The following CUTC variants were observed in gnomAD, a reference collection of about 807,000 sequenced individuals.
The protein encoded by CUTC is copper homeostasis protein cutC homolog.
A neutral mutation model predicts 36.2 loss-of-function variants in CUTC; 27 were observed. The ratio of observed to expected loss-of-function variants is 0.75; its 90% CI spans 0.55 to 1.03. CUTC has a LOEUF of 1.03. CUTC is among the 50% of genes least tolerant of loss of function. The pLI is 0.00. For missense variants in CUTC, 315 were observed against 343.5 expected (o/e 0.92, Z 0.66); for synonymous variants, 114 against 118.3 (o/e 0.96, Z 0.24).
At chr10:99,737,122 T>C (rs911277614) in intron 2 of CUTC, among the ~76,000 whole-genome samples, 17 of 152,028 alleles carry the variant, frequency 1.1e-4, no homozygotes, top group African/African-American at 3.9e-4. Flanking sequence ...ATAGAAAAAT[T>C]AGCCAAGCGT....
intron 1 of CUTC, among the ~76,000 whole-genome samples, chr10:99,732,902 C>T (rs2037233087): frequency 6.6e-6 from 1 of 152,170 alleles, no homozygotes; most frequent in Non-Finnish European, 1.5e-5. Flanking sequence ...TTCCTGAGTG[C>T]CAGGGTAGCA....
chr10:99,739,839 T>C (rs891321189), intron 3 of CUTC, 70 bp downstream of exon 3: 6 of 1,238,404 alleles, frequency 4.8e-6, no homozygotes, highest in Non-Finnish European at 7.0e-6. Context: ...ATAATCAGTT[T>C]CGTTGGGGTC....
At chr10:99,742,707 TAA>T (rs75714060) in intron 3 of CUTC, among the ~76,000 whole-genome samples, 24 of 134,350 alleles carry the variant, frequency 1.8e-4, no homozygotes, top group Non-Finnish European at 2.1e-4. Context: ...GTATCTTGTT[TAA>T]AAAAAAAAAA....
At chr10:99,746,710 G>A (rs746135522) in intron 5 of CUTC, among the ~76,000 whole-genome samples, 4 of 151,920 alleles carry the variant, frequency 2.6e-5, no homozygotes, top group Admixed American at 1.3e-4. Context: ...CTGATTTGTA[G>A]CATTTTTAAA....
At chr10:99,739,177 C>T (rs948605152) in intron 2 of CUTC, among the ~76,000 whole-genome samples, 4 of 152,034 alleles carry the variant, frequency 2.6e-5, no homozygotes, top group Non-Finnish European at 4.4e-5. Context: ...ACAAAATGTT[C>T]TATCTTTGGC....
intron 7 of CUTC, among the ~76,000 whole-genome samples, chr10:99,753,443 T>C (rs115351746): frequency 0.033 from 5,084 of 152,322 alleles, 277 homozygotes; most frequent in African/African-American, 0.12. Context: ...AGGGTCTCAC[T>C]GTGTCGCCCA....
chr10:99,738,159 A>AT (rs2037312131), intron 2 of CUTC, among the ~76,000 whole-genome samples: 3 of 152,030 alleles, frequency 2.0e-5, no homozygotes. Context: ...AAAAAAAAAA[A>AT]TAAGGACTCT....
chr10:99,732,454 C>G (rs1402066677), intron 1 of CUTC, 45 bp downstream of exon 1: 12 of 1,547,188 alleles, frequency 7.8e-6, no homozygotes, highest in Non-Finnish European at 8.7e-6. Context: ...GAAGGCTCCC[C>G]GGGGCGGGCC....
At chr10:99,733,620 T>TGA (rs1331961536) in intron 1 of CUTC, among the ~76,000 whole-genome samples, 2 of 151,998 alleles carry the variant, frequency 1.3e-5, no homozygotes, top group African/African-American at 4.8e-5. Context: ...GGTGACAGAG[T>TGA]GAGACTCTGC....
chr10:99,754,709 G>C, intron 8 of CUTC, 75 bp downstream of exon 8: 1 of 1,012,112 alleles, frequency 9.9e-7, no homozygotes. Context: ...AAAAACTTTG[G>C]ATGGGGGCAT....
At chr10:99,736,700 A>T (rs1383916563) in intron 2 of CUTC, among the ~76,000 whole-genome samples, 1 of 152,134 alleles carries the variant, frequency 6.6e-6, no homozygotes, top group Admixed American at 6.6e-5. Flanking sequence ...ACCTGTTTTA[A>T]TGGGAAGCAC....
intron 3 of CUTC, 114 bp downstream of exon 3, chr10:99,739,883 G>A: frequency 1.3e-6 from 1 of 745,000 alleles, no homozygotes; most frequent in Non-Finnish European, 2.2e-6. Context: ...TGTTATGGAT[G>A]TTGTATCAGA....
chr10:99,732,538 C>T (rs775099936), intron 1 of CUTC, 129 bp downstream of exon 1: 66 of 1,480,992 alleles, frequency 4.5e-5, no homozygotes, highest in Non-Finnish European at 5.5e-5. Context: ...TGGGCGGCAC[C>T]TTCTATCTTT....
chr10:99,739,750 G>C lies in CUTC; in HGVS notation c.174G>C (p.Gly58=). Residue 58 remains glycine (G), a synonymous_variant, in exon 3 of 9, where the codon GGG becomes GGC. Transcript: ENST00000370476. ...AATTATGTTCTGGTTTATCAGAGGG[G>C]GGAACTACACCCAGCATGGGTAAGT... The part of the protein sequence containing the change: ...RIELCSGLSE[G]GTTPSMGVLQ... 1 of 1,611,022 alleles carries C rather than the reference G, an allele frequency of 6.2e-7. No individual in the cohort carries two copies. The highest frequency in any genetic ancestry group is 8.5e-7 in the Non-Finnish European group (1 of 1,178,850).
Position 99,732,331 on chromosome 10 carries a change from G to A in CUTC, c.-18G>A, listed in dbSNP as rs2037204271. Reference sequence around the variant, plus strand: ...CCAAGTGGAAACTGCAGGCGCACGAGGGAGGAACGCGTGGAGCATGAAAAG... The same window carrying A: ...CCAAGTGGAAACTGCAGGCGCACGAAGGAGGAACGCGTGGAGCATGAAAAG... On this transcript the variant is annotated 5_prime_UTR_variant, in exon 1 of 9. Transcript: ENST00000370476. The A allele has an allele frequency of 1.9e-6, 3 of 1,551,776 alleles. No homozygotes were observed. Among genetic ancestry groups the A allele is most frequent in the Non-Finnish European group, 2.6e-6 (3 of 1,147,310 alleles).
chr10:99,751,794 G>C (rs2037420954), intron 7 of CUTC, among the ~76,000 whole-genome samples: 1 of 152,208 alleles, frequency 6.6e-6, no homozygotes. Flanking sequence ...GGAGGCGGAG[G>C]TTGCAGTGTG....
intron 6 of CUTC, among the ~76,000 whole-genome samples, chr10:99,747,635 G>A (rs2037388527): frequency 1.3e-5 from 2 of 152,232 alleles, no homozygotes; most frequent in Admixed American, 6.5e-5. Context: ...GATAAGCACA[G>A]CAAATTTTAC....
chr10:99,750,860 T>C (rs1033737516), intron 7 of CUTC, among the ~76,000 whole-genome samples: 2 of 152,236 alleles, frequency 1.3e-5, no homozygotes, highest in South Asian at 4.1e-4. Context: ...TGCCAAATTA[T>C]TTCTTGTAAC....
chr10:99,742,839 T>A (rs2037350723), intron 3 of CUTC, among the ~76,000 whole-genome samples: 1 of 152,174 alleles, frequency 6.6e-6, no homozygotes, highest in Non-Finnish European at 1.5e-5. Context: ...AATTGGATCT[T>A]GGGGAATAAT....
Sources: allele counts gnomAD v4.1 joint callset (sites outside exome capture counted in the v4.1 genomes callset), GRCh38; gene constraint gnomAD v4.1.1; transcripts MANE v1.5; gene names NCBI Gene and HGNC (gene_info 2026-07-23, HGNC 2026-07-21).